The following ATF7IP2 variants were observed in gnomAD, a reference collection of about 807,000 sequenced individuals.
ATF7IP2 encodes the protein activating transcription factor 7 interacting protein 2.
A neutral mutation model predicts 64.2 loss-of-function variants in ATF7IP2; 42 were observed. The observed-to-expected ratio is 0.65, with a 90% CI of 0.51 to 0.85. The LOEUF is 0.85. ATF7IP2 is among the 40% of genes least tolerant of loss of function. The pLI is 0.00. For missense variants in ATF7IP2, 933 were observed against 784.2 expected (o/e 1.19, Z -2.27); for synonymous variants, 308 against 272.8 (o/e 1.13, Z -1.27).
chr16:10,428,494 CTTT>C (rs2141863907), intron 3 of ATF7IP2, among the ~76,000 whole-genome samples: 1 of 152,256 alleles, frequency 6.6e-6, no homozygotes, highest in South Asian at 2.1e-4. Flanking sequence ...TTGATTTCTT[CTTT>C]GTGTCAGCTG....
chr16:10,470,859 G>A (rs1413283032), intron 9 of ATF7IP2, among the ~76,000 whole-genome samples: 3 of 151,296 alleles, frequency 2.0e-5, no homozygotes, highest in Admixed American at 6.6e-5. Flanking sequence ...ATATATGTGT[G>A]TGTGTGTGTG....
intron 9 of ATF7IP2, 90 bp from the exon 10 acceptor site, chr16:10,472,020 T>A: frequency 1.8e-6 from 1 of 545,638 alleles, no homozygotes; most frequent in Non-Finnish European, 3.2e-6. Context: ...TATGAAATGT[T>A]AAGTTAGAGG....
chr16:10,419,428 C>A (rs2047947756), intron 2 of ATF7IP2, among the ~76,000 whole-genome samples, 153 bp from the exon 3 acceptor site: 1 of 152,046 alleles, frequency 6.6e-6, no homozygotes, highest in Admixed American at 6.6e-5. Context: ...AAGTTACAGG[C>A]CATAGAAGTG....
At chr16:10,451,445 G>T (rs1489912582) in intron 8 of ATF7IP2, among the ~76,000 whole-genome samples, 2 of 151,994 alleles carry the variant, frequency 1.3e-5, no homozygotes, top group Non-Finnish European at 2.9e-5. Context: ...GTCACTTTCG[G>T]GTACAACAAT....
intron 8 of ATF7IP2, among the ~76,000 whole-genome samples, chr16:10,451,027 C>T (rs1158900679): frequency 6.6e-6 from 1 of 152,154 alleles, no homozygotes; most frequent in African/African-American, 2.4e-5. Flanking sequence ...CAAAATGTCT[C>T]AGCATTGGCT....
chr16:10,426,769 A>G (rs957987174), intron 3 of ATF7IP2, among the ~76,000 whole-genome samples: 3 of 152,214 alleles, frequency 2.0e-5, no homozygotes, highest in African/African-American at 7.2e-5. Context: ...GACTATATTA[A>G]AATTAGGAAG....
chr16:10,403,040 A>G (rs544208712), intron 1 of ATF7IP2, among the ~76,000 whole-genome samples: 28 of 152,270 alleles, frequency 1.8e-4, no homozygotes, highest in African/African-American at 6.0e-4. Context: ...TTAAAGTTCA[A>G]TTTCAGTCCA....
chr16:10,478,567 G>C (rs1231336600), intron 12 of ATF7IP2, among the ~76,000 whole-genome samples: 6 of 152,112 alleles, frequency 3.9e-5, no homozygotes, highest in Admixed American at 3.9e-4. Flanking sequence ...GAAAACCTAG[G>C]CATGACCATT....
chr16:10,400,198 G>A (rs933532414), intron 1 of ATF7IP2, among the ~76,000 whole-genome samples: 19 of 152,114 alleles, frequency 1.2e-4, no homozygotes, highest in African/African-American at 4.3e-4. Context: ...CTGCCACCAC[G>A]CCTGGCTAAT....
intron 8 of ATF7IP2, among the ~76,000 whole-genome samples, chr16:10,442,993 T>C (rs1367451639): frequency 6.6e-6 from 1 of 152,194 alleles, no homozygotes; most frequent in Non-Finnish European, 1.5e-5. Flanking sequence ...AACGTGAGAA[T>C]CAAAAGATCG....
Position 10,421,157 on chromosome 16 carries a change from G to A in ATF7IP2, c.-160+1534G>A, listed in dbSNP as rs73514865. Among the ~76,000 whole-genome samples, 11 of 152,238 alleles carry A rather than the reference G, an allele frequency of 7.2e-5. No homozygotes were observed. In the South Asian group the frequency reaches 2.3e-3, roughly 32 times the overall value. ...TGTAATTTAACAATCTGAGTTCTCTGATTTCCTATCACAGTAGCAATTTGA... is the reference window on the plus strand; with the variant it reads ...TGTAATTTAACAATCTGAGTTCTCTAATTTCCTATCACAGTAGCAATTTGA... On this transcript the variant is annotated intron_variant, in intron 3 of 13. Transcript: ENST00000562102.
At chr16:10,462,844 A>G (rs2049420941) in intron 9 of ATF7IP2, among the ~76,000 whole-genome samples, 1 of 152,086 alleles carries the variant, frequency 6.6e-6, no homozygotes, top group African/African-American at 2.4e-5. Flanking sequence ...GCTTTTCTAT[A>G]TACTCCATCT....
intron 8 of ATF7IP2, among the ~76,000 whole-genome samples, chr16:10,450,107 G>A (rs143007054): frequency 0.016 from 2,475 of 152,230 alleles, 54 homozygotes; most frequent in African/African-American, 0.056. Context: ...AGGTTGTTCA[G>A]TTTCCATGTA....
chr16:10,411,990 TG>T, intron 1 of ATF7IP2, among the ~76,000 whole-genome samples: 2 of 149,116 alleles, frequency 1.3e-5, no homozygotes, highest in South Asian at 2.1e-4. Context: ...CCCAGCTTTT[TG>T]TTTCATTTAT....
chr16:10,474,070 G>C (rs975496532), intron 12 of ATF7IP2, 81 bp downstream of exon 12: 6 of 961,736 alleles, frequency 6.2e-6, no homozygotes, highest in Non-Finnish European at 9.6e-6. Context: ...TACTTATGAA[G>C]TTTGTTTTAA....
chr16:10,434,227 A>C (rs1488538835), intron 6 of ATF7IP2, among the ~76,000 whole-genome samples: 1 of 152,174 alleles, frequency 6.6e-6, no homozygotes, highest in Non-Finnish European at 1.5e-5. Flanking sequence ...TCATTGTACT[A>C]CAGTCTCAGT....
chr16:10,472,850 C>G (rs113380165), intron 10 of ATF7IP2, among the ~76,000 whole-genome samples: 2,497 of 132,196 alleles, frequency 0.019, 40 homozygotes, highest in Non-Finnish European at 0.025. Context: ...AGCAAGACTC[C>G]GTCTCAAAAA....
intron 12 of ATF7IP2, among the ~76,000 whole-genome samples, chr16:10,475,461 A>T (rs1344695466): frequency 1.3e-5 from 2 of 152,060 alleles, no homozygotes; most frequent in African/African-American, 2.4e-5. Context: ...GGAGGCCGAG[A>T]CGGGCAGATC....
chr16:10,406,851 A>G (rs1419937791), intron 1 of ATF7IP2, among the ~76,000 whole-genome samples: 1 of 152,210 alleles, frequency 6.6e-6, no homozygotes, highest in African/African-American at 2.4e-5. Context: ...AGTAATACCA[A>G]TCCTACTGAA....
Sources: allele counts gnomAD v4.1 joint callset (sites outside exome capture counted in the v4.1 genomes callset), GRCh38; gene constraint gnomAD v4.1.1; transcripts MANE v1.5; gene names NCBI Gene and HGNC (gene_info 2026-07-23, HGNC 2026-07-21).